The following ADAM18 variants were observed in gnomAD, a reference collection of about 807,000 sequenced individuals.
ADAM18 encodes the protein disintegrin and metalloproteinase domain-containing protein 18.
A neutral mutation model predicts 94.4 loss-of-function variants in ADAM18; 117 were observed. The ratio of observed to expected loss-of-function variants is 1.24; its 90% CI spans 1.07 to 1.45. The LOEUF is 1.45. ADAM18 is among the 40% of genes most tolerant of loss of function. ADAM18 has a pLI of 0.00. For missense variants in ADAM18, 936 were observed against 880.0 expected, an observed-to-expected ratio of 1.06 and a Z score of -0.81; for synonymous variants, 327 against 291.6, an observed-to-expected ratio of 1.12 and a Z score of -1.24.
intron 15 of ADAM18, among the ~76,000 whole-genome samples, chr8:39,678,371 C>T (rs1054774793): frequency 6.6e-6 from 1 of 152,156 alleles, no homozygotes; most frequent in Non-Finnish European, 1.5e-5. Context: ...TAGTATCCTC[C>T]ATCACCCTCC....
At chr8:39,620,466 G>T (rs1486179669) in intron 6 of ADAM18, among the ~76,000 whole-genome samples, 1 of 144,518 alleles carries the variant, frequency 6.9e-6, no homozygotes, top group East Asian at 2.0e-4. Flanking sequence ...AAACTAAAAA[G>T]CTTTTGCTTG....
chr8:39,687,715 T>C (rs1178045400), intron 16 of ADAM18, among the ~76,000 whole-genome samples: 1 of 152,208 alleles, frequency 6.6e-6, no homozygotes, highest in Non-Finnish European at 1.5e-5. Context: ...AGTGAGAACA[T>C]GCAGTATTTA....
intron 12 of ADAM18, among the ~76,000 whole-genome samples, chr8:39,654,126 T>A (rs1186040359): frequency 2.0e-5 from 3 of 151,704 alleles, no homozygotes; most frequent in Non-Finnish European, 4.4e-5. Flanking sequence ...GTTACATCCA[T>A]GTTGCTGCCA....
rs1311259801 is a variant in ADAM18, at chr8:39,706,875, G to C, written c.1988G>C (p.Ser663Thr). The change falls in exon 18 of 20, where the codon AGT (serine) becomes ACT (threonine). Residue 663 changes from serine to threonine, a missense_variant. Transcript: ENST00000265707. Reference protein sequence around the residue: ...CKFQFGSPGGSIDDGNFQKSG... With the variant: ...CKFQFGSPGGTIDDGNFQKSG... Reference sequence around the variant, plus strand: ...TTCCAGTTTGGTTCCCCAGGGGGTAGTATTGATGATGGAAATTTTCAGAAA... The same window carrying C: ...TTCCAGTTTGGTTCCCCAGGGGGTACTATTGATGATGGAAATTTTCAGAAA... 10 of 1,604,514 alleles carry C rather than the reference G, an allele frequency of 6.2e-6. No homozygotes were observed. The South Asian group carries it at 1.0e-4, about 16-fold the overall frequency.
chr8:39,642,775 G>C (rs1820271780), intron 10 of ADAM18, among the ~76,000 whole-genome samples: 1 of 151,844 alleles, frequency 6.6e-6, no homozygotes, highest in Non-Finnish European at 1.5e-5. Flanking sequence ...AGTCTCTTTT[G>C]TGGTTCCATA....
At chr8:39,675,916 G>A (rs1180292507) in intron 14 of ADAM18, among the ~76,000 whole-genome samples, 1 of 152,172 alleles carries the variant, frequency 6.6e-6, no homozygotes, top group African/African-American at 2.4e-5. Context: ...TTTGTGGGAG[G>A]TCCACTCCAG....
At chr8:39,713,316 A>G (rs1479132307) in intron 18 of ADAM18, among the ~76,000 whole-genome samples, 3 of 152,356 alleles carry the variant, frequency 2.0e-5, no homozygotes, top group Middle Eastern at 3.4e-3. Context: ...CTTAAATGTT[A>G]GACCTAAAAC....
At chr8:39,666,442 T>C (rs1318987968) in intron 13 of ADAM18, among the ~76,000 whole-genome samples, 6 of 152,226 alleles carry the variant, frequency 3.9e-5, no homozygotes, top group Non-Finnish European at 8.8e-5. Flanking sequence ...GTTTTTAAAT[T>C]TCATCACTTT....
Position 39,585,455 on chromosome 8 carries a change from C to G in ADAM18, c.132+103C>G, listed in dbSNP as rs1226420212. Reference sequence around the variant, plus strand: ...TACTAATTTGTATTCATTGCCAAATCATAATATTTTGCCTGTGCTATTTTG... The same window carrying G: ...TACTAATTTGTATTCATTGCCAAATGATAATATTTTGCCTGTGCTATTTTG... On this transcript the variant is annotated intron_variant, in intron 2 of 19. Coordinates refer to ENST00000265707, the MANE Select transcript of ADAM18 (RefSeq NM_014237.3). 4.8e-6 allele frequency: 4 copies of G among 837,058 alleles called. No individual in the cohort carries two copies. In the African/African-American group the frequency reaches 7.0e-5, roughly 15 times the overall value. 51.9% of individuals were successfully genotyped at this position (837,058 alleles called of 1,614,324 possible).
intron 18 of ADAM18, among the ~76,000 whole-genome samples, chr8:39,709,525 G>A (rs993422035): frequency 6.6e-6 from 1 of 152,092 alleles, no homozygotes; most frequent in South Asian, 2.1e-4. Flanking sequence ...CCTTAGTTGG[G>A]GACCTGCCTT....
intron 13 of ADAM18, among the ~76,000 whole-genome samples, chr8:39,665,110 G>A (rs985287927): frequency 2.6e-5 from 4 of 152,086 alleles, no homozygotes; most frequent in South Asian, 2.1e-4. Context: ...GACTCCACCC[G>A]CAGCCCCTGG....
intron 17 of ADAM18, among the ~76,000 whole-genome samples, chr8:39,692,944 T>C (rs1162855530): frequency 6.6e-6 from 1 of 151,664 alleles, no homozygotes; most frequent in Non-Finnish European, 1.5e-5. Context: ...CATTTTTACT[T>C]ATATCATGAA....
intron 12 of ADAM18, among the ~76,000 whole-genome samples, chr8:39,653,017 G>A (rs1820579133): frequency 6.6e-6 from 1 of 152,152 alleles, no homozygotes; most frequent in Non-Finnish European, 1.5e-5. Flanking sequence ...GCTACCAGGG[G>A]CTGGGAGTGG....
intron 2 of ADAM18, among the ~76,000 whole-genome samples, chr8:39,586,837 C>T (rs1329619250): frequency 6.6e-6 from 1 of 151,476 alleles, no homozygotes; most frequent in African/African-American, 2.4e-5. Context: ...TGTTTTTTCC[C>T]CAGATTTACT....
chr8:39,719,413 A>T (rs1373933903), intron 18 of ADAM18, among the ~76,000 whole-genome samples: 1 of 151,422 alleles, frequency 6.6e-6, no homozygotes, highest in Non-Finnish European at 1.5e-5. Context: ...TTGAGCGCAG[A>T]TTTTGTAGAT....
chr8:39,606,735 A>G (rs879913447), intron 3 of ADAM18, among the ~76,000 whole-genome samples: 3 of 152,148 alleles, frequency 2.0e-5, no homozygotes, highest in Admixed American at 2.0e-4. Flanking sequence ...TGTGAGCAAT[A>G]AAGCTTTTTA....
At chr8:39,716,693 G>A (rs148249909) in intron 18 of ADAM18, among the ~76,000 whole-genome samples, 2 of 152,002 alleles carry the variant, frequency 1.3e-5, no homozygotes, top group Admixed American at 6.6e-5. Flanking sequence ...GGAATATTTC[G>A]TGTATGTATG....
At chr8:39,698,646 C>T (rs963750465) in intron 17 of ADAM18, among the ~76,000 whole-genome samples, 3 of 151,922 alleles carry the variant, frequency 2.0e-5, no homozygotes, top group Non-Finnish European at 2.9e-5. Context: ...CCTTACAAAC[C>T]TCCTTAAATA....
intron 14 of ADAM18, among the ~76,000 whole-genome samples, chr8:39,673,076 G>A (rs1029660714): frequency 9.2e-5 from 14 of 152,116 alleles, no homozygotes; most frequent in African/African-American, 3.1e-4. Flanking sequence ...AGAAATTAGT[G>A]CTACTTTTAA....
Sources: gnomAD v4.1 joint callset for allele counts (sites outside exome capture counted in the v4.1 genomes callset) on GRCh38, gnomAD v4.1.1 for gene constraint, MANE v1.5 for transcripts, NCBI Gene and HGNC (gene_info 2026-07-23, HGNC 2026-07-21) for gene names.